DOCK3: variants seen among roughly 807,000 people sequenced by gnomAD.
The protein encoded by DOCK3 is dedicator of cytokinesis 3, also known as dedicator of cytokinesis protein 3.
Under a neutral mutation model 265.6 loss-of-function variants are expected in DOCK3, and 60 were observed. The ratio of observed to expected loss-of-function variants is 0.23; its 90% confidence interval spans 0.18 to 0.28. DOCK3 has a LOEUF of 0.28. DOCK3 is among the 10% of genes least tolerant of loss of function. The probability of loss-of-function intolerance (pLI) is 1.00; values close to 1 mark genes in which losing one functional copy is unlikely to be tolerated. For synonymous variants in DOCK3, 881 were observed against 938.0 expected (o/e 0.94, Z 1.11); for missense variants, 1,981 against 2,594.3 (o/e 0.76, Z 5.14).
chr3:51,162,039 G>A (rs1270444088), intron 12 of DOCK3, among the ~76,000 whole-genome samples: 1 of 152,170 alleles, frequency 6.6e-6, no homozygotes, highest in Non-Finnish European at 1.5e-5. Context: ...GACACAAATT[G>A]TAGTGCTAAA....
intron 9 of DOCK3, among the ~76,000 whole-genome samples, chr3:51,124,967 TAAAAAA>T (rs35040855): frequency 7.9e-6 from 1 of 126,666 alleles, no homozygotes. Flanking sequence ...CTGTCTCTAC[TAAAAAA>T]AAAAAAAAAA....
At chr3:51,158,566 A>G (rs2085974120) in intron 10 of DOCK3, among the ~76,000 whole-genome samples, 1 of 152,184 alleles carries the variant, frequency 6.6e-6, no homozygotes, top group Admixed American at 6.5e-5. Context: ...AGAAAGAAAG[A>G]AAGAAAAAGG....
intron 9 of DOCK3, among the ~76,000 whole-genome samples, chr3:51,094,711 G>A (rs1193010670): frequency 6.6e-6 from 1 of 150,880 alleles, no homozygotes; most frequent in Non-Finnish European, 1.5e-5. Flanking sequence ...GCTTGGTTTT[G>A]AATTTGCTTG....
intron 9 of DOCK3, among the ~76,000 whole-genome samples, chr3:51,122,353 A>C (rs952731844): frequency 1.3e-5 from 2 of 152,168 alleles, no homozygotes; most frequent in Non-Finnish European, 2.9e-5. Flanking sequence ...GGTGGTGTGC[A>C]CCTGTAGTCC....
chr3:50,989,155 C>T (rs2078011129), intron 5 of DOCK3, among the ~76,000 whole-genome samples: 1 of 152,210 alleles, frequency 6.6e-6, no homozygotes, highest in East Asian at 1.9e-4. Flanking sequence ...TGGCTTGGGC[C>T]CACAGCACAG....
At chr3:50,839,780 T>A (rs1407416245) in intron 2 of DOCK3, among the ~76,000 whole-genome samples, 4 of 123,168 alleles carry the variant, frequency 3.2e-5, no homozygotes, top group African/African-American at 1.2e-4. Flanking sequence ...TCTCCTCTTC[T>A]TTTTTTGAGA....
chr3:51,278,571 C>T, intron 26 of DOCK3: 6 of 983,754 alleles, frequency 6.1e-6, no homozygotes, highest in South Asian at 4.7e-5. Flanking sequence ...GTGTCTGCTC[C>T]TTTAGGAGCC....
intron 5 of DOCK3, among the ~76,000 whole-genome samples, chr3:50,941,416 C>T (rs564259959): frequency 3.9e-4 from 59 of 152,102 alleles, no homozygotes; most frequent in Middle Eastern, 3.4e-3. Flanking sequence ...CTGCTAATAC[C>T]AAGTGATGCC....
intron 41 of DOCK3, among the ~76,000 whole-genome samples, chr3:51,355,752 C>T (rs1388866236): frequency 6.6e-6 from 1 of 152,182 alleles, no homozygotes; most frequent in African/African-American, 2.4e-5. Flanking sequence ...CAGACCCTTG[C>T]AGCCTTCTTT....
chr3:51,121,424 G>A (rs1277515744), intron 9 of DOCK3, among the ~76,000 whole-genome samples: 1 of 152,198 alleles, frequency 6.6e-6, no homozygotes, highest in African/African-American at 2.4e-5. Context: ...GCAGACTGGA[G>A]CTTTTCCTAT....
intron 3 of DOCK3, among the ~76,000 whole-genome samples, chr3:50,870,430 T>C (rs1195611820): frequency 6.6e-6 from 1 of 152,214 alleles, no homozygotes; most frequent in Admixed American, 6.5e-5. Flanking sequence ...TAGCCACTTC[T>C]ACTCTTTTTT....
intron 3 of DOCK3, among the ~76,000 whole-genome samples, chr3:50,886,185 G>GATAT (rs1491509664): frequency 3.3e-5 from 4 of 120,962 alleles, no homozygotes; most frequent in South Asian, 3.0e-4. Flanking sequence ...TTTTATTTTG[G>GATAT]AGATATATAT....
chr3:51,282,481 C>G (rs1360654528), intron 27 of DOCK3, among the ~76,000 whole-genome samples: 2 of 151,938 alleles, frequency 1.3e-5, no homozygotes, highest in African/African-American at 4.8e-5. Context: ...TAGAGAAACC[C>G]TGTCTCTACT....
At chr3:51,075,334 G>A (rs1184363947) in intron 6 of DOCK3, 22 bp from the exon 7 acceptor site, 1 of 1,594,712 alleles carries the variant, frequency 6.3e-7, no homozygotes, top group East Asian at 2.2e-5. Context: ...GGCATACTGA[G>A]TGTGGTCTTT....
intron 7 of DOCK3, 150 bp from the exon 8 acceptor site, chr3:51,089,093 A>T: frequency 1.2e-6 from 1 of 864,292 alleles, no homozygotes; most frequent in Non-Finnish European, 1.8e-6. Context: ...TCTCCACCAA[A>T]TACGAATAAC....
chr3:51,010,201 C>T lies in DOCK3; in HGVS notation c.316-54247C>T, dbSNP rs138218900. On this transcript the variant is annotated intron_variant, in intron 5 of 52. Coordinates refer to ENST00000266037, the MANE Select transcript of DOCK3 (RefSeq NM_004947.5). ...TAATTTTCTGTCTCGCTGATCTGTCCAATGTTGACAGTGGGCTGTTAAAGT... is the reference window on the plus strand; with the variant it reads ...TAATTTTCTGTCTCGCTGATCTGTCTAATGTTGACAGTGGGCTGTTAAAGT... 7.0e-4 allele frequency among the ~76,000 whole-genome samples: 106 copies of T among 152,106 alleles called. No individual in the cohort carries two copies. The East Asian group carries it at 0.014, about 19-fold the overall frequency.
At chr3:51,329,485 C>T (rs1013916743) in intron 32 of DOCK3, among the ~76,000 whole-genome samples, 3 of 152,028 alleles carry the variant, frequency 2.0e-5, no homozygotes, top group African/African-American at 7.2e-5. Flanking sequence ...CTTGCAAATC[C>T]GTGGGGTAGG....
chr3:51,272,941 G>A (rs1214860750), intron 24 of DOCK3, among the ~76,000 whole-genome samples: 1 of 152,022 alleles, frequency 6.6e-6, no homozygotes, highest in African/African-American at 2.4e-5. Flanking sequence ...AAGGTGTGTG[G>A]ATCATGACAT....
chr3:51,142,803 A>T (rs550499264), intron 9 of DOCK3, among the ~76,000 whole-genome samples: 1 of 152,244 alleles, frequency 6.6e-6, no homozygotes, highest in East Asian at 1.9e-4. Flanking sequence ...TCCAAAGTGG[A>T]TGTACCATTT....
Sources: allele counts gnomAD v4.1 joint callset (sites outside exome capture counted in the v4.1 genomes callset), GRCh38; gene constraint gnomAD v4.1.1; transcripts MANE v1.5; gene names NCBI Gene and HGNC (gene_info 2026-07-23, HGNC 2026-07-21).